Variants in PDK1 observed in about 807,000 individuals in gnomAD.
The protein encoded by PDK1 is pyruvate dehydrogenase kinase 1, also known as [Pyruvate dehydrogenase (acetyl-transferring)] kinase isozyme 1, mitochondrial.
A neutral mutation model predicts 54.2 loss-of-function variants in PDK1; 39 were observed. That is an observed-to-expected ratio of 0.72 (90% CI 0.56 to 0.94). The LOEUF is 0.94. PDK1 is among the 40% of genes least tolerant of loss of function. The pLI is 0.00. For missense variants in PDK1, 552 were observed against 566.0 expected, an observed-to-expected ratio of 0.98 and a Z score of 0.25; for synonymous variants, 221 against 207.1, an observed-to-expected ratio of 1.07 and a Z score of -0.58.
chr2:172,643,027 A>C, the PDK1 span, among the ~76,000 whole-genome samples: 4 of 152,354 alleles, frequency 2.6e-5, no homozygotes, highest in Admixed American at 2.6e-4. Context: ...AGATTATCCC[A>C]AAATTTGCCT....
the PDK1 span, among the ~76,000 whole-genome samples, chr2:172,701,979 T>C: frequency 6.6e-6 from 1 of 152,190 alleles, no homozygotes; most frequent in Non-Finnish European, 1.5e-5. Context: ...TACTATTTCT[T>C]CTTAATTTTG....
chr2:172,717,598 G>A, the PDK1 span, among the ~76,000 whole-genome samples: 1 of 152,190 alleles, frequency 6.6e-6, no homozygotes, highest in African/African-American at 2.4e-5. Context: ...CTGTTGCCCA[G>A]GCTGGAGTGC....
At chr2:172,692,734 C>T in the PDK1 span, among the ~76,000 whole-genome samples, 1 of 152,076 alleles carries the variant, frequency 6.6e-6, no homozygotes, top group Admixed American at 6.5e-5. Flanking sequence ...GATGCCAGGG[C>T]GTGATCTGAT....
At chr2:172,612,474 G>GT (rs553598144), downstream of PDK1, among the ~76,000 whole-genome samples, 287 of 148,268 alleles carry the variant, frequency 1.9e-3, 2 homozygotes, top group African/African-American at 6.6e-3. Context: ...TAGAAGGTTT[G>GT]TTTTTTTTTT....
the PDK1 span, among the ~76,000 whole-genome samples, chr2:172,672,029 G>A: frequency 6.6e-6 from 1 of 152,092 alleles, no homozygotes; most frequent in Non-Finnish European, 1.5e-5. Context: ...AGAAAGATAA[G>A]CACCATGAGT....
the PDK1 span, among the ~76,000 whole-genome samples, chr2:172,659,648 T>G: frequency 6.6e-6 from 1 of 152,162 alleles, no homozygotes; most frequent in Non-Finnish European, 1.5e-5. Flanking sequence ...AACTCATAAT[T>G]TTGAATCAAT....
chr2:172,587,527 C>A (rs980083687), intron 9 of PDK1, among the ~76,000 whole-genome samples: 2 of 152,012 alleles, frequency 1.3e-5, no homozygotes, highest in Admixed American at 6.6e-5. Flanking sequence ...AAGCTGCAGA[C>A]CTTCGCGGTG....
chr2:172,556,506 T>A (rs1688334187), intron 1 of PDK1, 160 bp downstream of exon 1: 2 of 476,048 alleles, frequency 4.2e-6, no homozygotes, highest in Admixed American at 4.4e-5. Flanking sequence ...CCTTCCTCCC[T>A]CCGAAGTGCC....
At chr2:172,580,804 A>G (rs1258302123) in intron 8 of PDK1, among the ~76,000 whole-genome samples, 2 of 152,222 alleles carry the variant, frequency 1.3e-5, no homozygotes, top group Non-Finnish European at 2.9e-5. Context: ...AAATGCTACA[A>G]ACTGGTTGTT....
At chr2:172,627,144 G>C in the PDK1 span, among the ~76,000 whole-genome samples, 1 of 152,188 alleles carries the variant, frequency 6.6e-6, no homozygotes, top group African/African-American at 2.4e-5. Flanking sequence ...GATGCACACG[G>C]CTGAGAACAT....
At chr2:172,593,099 G>A (rs755232725) in intron 10 of PDK1, 51 bp downstream of exon 10, 2 of 930,560 alleles carry the variant, frequency 2.1e-6, no homozygotes, top group Middle Eastern at 2.2e-4. Flanking sequence ...GATAAGAACA[G>A]ATGTCCATAC....
At chr2:172,655,200 T>G in the PDK1 span, among the ~76,000 whole-genome samples, 1 of 152,208 alleles carries the variant, frequency 6.6e-6, no homozygotes. Context: ...TTCTCCCATT[T>G]TGTGGTCTGG....
the PDK1 span, among the ~76,000 whole-genome samples, chr2:172,624,801 C>T: frequency 1.3e-5 from 2 of 152,210 alleles, no homozygotes; most frequent in South Asian, 4.1e-4. Flanking sequence ...GAGTTCAAGA[C>T]CAGCCTGACC....
chr2:172,634,644 C>A, the PDK1 span, among the ~76,000 whole-genome samples: 69 of 151,754 alleles, frequency 4.5e-4, no homozygotes, highest in Middle Eastern at 6.8e-3. Context: ...GGATTATTTC[C>A]ACTCATTTGT....
In PDK1 at chr2:172,556,230, G is replaced by T. The variant is rs1419810649; in HGVS notation, c.80G>T (p.Ser27Ile). ...CTGCGCGCCGCCGGCTTCAGCCGCA[G>T]CTTCAGCTCGGACTCGGGCTCCAGC... ...PGLRAAGFSRSFSSDSGSSPA... is the reference protein window; with the variant it reads ...PGLRAAGFSRIFSSDSGSSPA... Residue 27 changes from serine (S) to isoleucine (I), a missense_variant, in exon 1 of 11, where the codon AGC (serine) becomes ATC (isoleucine). Physicochemically the swap from Ser to Ile is moderately radical, Grantham distance 142. Transcript: ENST00000282077. 6.9e-7 allele frequency: 1 copy of T among 1,443,632 alleles called. No homozygotes were observed. The highest frequency in any genetic ancestry group is 9.0e-7 in the Non-Finnish European group (1 of 1,105,108). 89.4% of individuals were successfully genotyped at this position (1,443,632 alleles called of 1,614,324 possible). A position where few individuals can be genotyped will look rare whatever the true frequency, so the allele number is the denominator to read the frequency against.
At chr2:172,723,294 G>T in the PDK1 span, 1 of 152,154 alleles carries the variant, frequency 6.6e-6, no homozygotes, top group Admixed American at 6.5e-5. Context: ...GACAAAGGAT[G>T]AAGTTCAGAT....
chr2:172,634,495 A>C, the PDK1 span, among the ~76,000 whole-genome samples: 1 of 149,432 alleles, frequency 6.7e-6, no homozygotes, highest in African/African-American at 2.5e-5. Flanking sequence ...CTGGTCTCAA[A>C]CTCCTGACCT....
At chr2:172,564,908 A>G (rs1186612773) in intron 4 of PDK1, 70 bp from the exon 5 acceptor site, 1 of 1,070,194 alleles carries the variant, frequency 9.3e-7, no homozygotes, top group Non-Finnish European at 1.4e-6. Flanking sequence ...CAATTTAAAC[A>G]GTATTCAGAT....
the PDK1 span, among the ~76,000 whole-genome samples, chr2:172,721,951 T>C: frequency 6.6e-6 from 1 of 152,236 alleles, no homozygotes; most frequent in South Asian, 2.1e-4. Context: ...TGGGAACAGT[T>C]GGCTCTTCCA....
Sources: gnomAD v4.1 joint callset for allele counts (sites outside exome capture counted in the v4.1 genomes callset) on GRCh38, gnomAD v4.1.1 for gene constraint, MANE v1.5 for transcripts, NCBI Gene and HGNC (gene_info 2026-07-23, HGNC 2026-07-21) for gene names.